Variants in RNF34 observed in about 807,000 individuals in gnomAD.
RNF34 encodes E3 ubiquitin-protein ligase RNF34.
Under a neutral mutation model 37.9 loss-of-function variants are expected in RNF34, and 12 were observed. The observed-to-expected ratio is 0.32, with a 90% CI of 0.20 to 0.51. The LOEUF is 0.51. RNF34 is among the 20% of genes least tolerant of loss of function. The pLI, the probability that RNF34 is intolerant of heterozygous loss-of-function variation, is 0.97. For synonymous variants in RNF34, 155 were observed against 177.2 expected (o/e 0.87, Z 1.00); for missense variants, 362 against 472.7 (o/e 0.77, Z 2.17).
At chr12:121,415,913 C>T (rs531521434) in intron 1 of RNF34, among the ~76,000 whole-genome samples, 1 of 108,354 alleles carries the variant, frequency 9.2e-6, no homozygotes. Context: ...GTTTTTTGTT[C>T]TGTAAAATTT....
chr12:121,402,727 T>G, intron 1 of RNF34: 1 of 1,561,220 alleles, frequency 6.4e-7, no homozygotes. Flanking sequence ...CTTTTCCTTT[T>G]TTTTTCTCTG....
At chr12:121,405,808 T>TC (rs1341583021) in intron 1 of RNF34, among the ~76,000 whole-genome samples, 4 of 148,094 alleles carry the variant, frequency 2.7e-5, no homozygotes, top group Non-Finnish European at 6.0e-5. Flanking sequence ...TTTTTTTTTT[T>TC]CTTGAGACGG....
At chr12:121,405,735 C>T (rs1870465105) in intron 1 of RNF34, among the ~76,000 whole-genome samples, 1 of 151,766 alleles carries the variant, frequency 6.6e-6, no homozygotes, top group Non-Finnish European at 1.5e-5. Context: ...CCTCCTGCCT[C>T]GGCCTCCCAA....
chr12:121,422,436 T>C (rs535514291), intron 5 of RNF34, among the ~76,000 whole-genome samples: 13 of 152,370 alleles, frequency 8.5e-5, no homozygotes, highest in African/African-American at 3.1e-4. Context: ...GATTTCATCT[T>C]GAGTTGCCTA....
rs182375659 is a variant in RNF34, at chr12:121,402,827, C to T, written c.6+2609C>T. The T allele has an allele frequency of 5.5e-4, 843 of 1,536,208 alleles. 1 individual carries two copies. Among genetic ancestry groups the T allele is most frequent in the Non-Finnish European group, 7.1e-4 (786 of 1,110,202 alleles). ...AGGAAGGTAACATTTGTATCTATAGCACATGTTATTGTAATAATCGATCAG... is the reference window on the plus strand; with the variant it reads ...AGGAAGGTAACATTTGTATCTATAGTACATGTTATTGTAATAATCGATCAG... On this transcript the variant is annotated intron_variant, in intron 1 of 5. Transcript: ENST00000361234.
chr12:121,400,165 G>A lies in RNF34; in HGVS notation c.-48G>A, dbSNP rs781862877. 1.6e-5 allele frequency: 25 copies of A among 1,602,112 alleles called. No homozygotes were observed. The Admixed American group carries it at 3.2e-4, about 21-fold the overall frequency. On this transcript the variant is annotated 5_prime_UTR_variant, in exon 1 of 6. An upstream start codon of the reference 5' UTR is lost. Coordinates refer to ENST00000361234, the MANE Select transcript of RNF34 (RefSeq NM_025126.4). The stretch of plus-strand genomic sequence containing the variant: ...GGTCGGCAGTGTGAGGAGCTGCTAT[G>A]GTGCTGAGTTTCCTGGTAGAGCCGG...
intron 1 of RNF34, among the ~76,000 whole-genome samples, chr12:121,410,114 A>G (rs932548969): frequency 1.3e-5 from 2 of 152,024 alleles, no homozygotes; most frequent in African/African-American, 2.4e-5. Context: ...AGATCGTGCC[A>G]TCGCACTCCA....
chr12:121,402,744 G>C, intron 1 of RNF34: 1 of 1,590,192 alleles, frequency 6.3e-7, no homozygotes, highest in East Asian at 2.2e-5. Context: ...TCTGAAAGGT[G>C]GGGGAGTGGT....
Position 121,417,420 on chromosome 12 carries a change from A to T in RNF34, c.226-84A>T. The T allele has an allele frequency of 4.1e-6, 5 of 1,223,116 alleles. No individual in the cohort carries two copies. The highest frequency in any genetic ancestry group is 1.5e-5 in the South Asian group (1 of 67,102). 75.8% of individuals were successfully genotyped at this position (1,223,116 alleles called of 1,614,324 possible). ...GGGGACTTCACTAAGAACTAAAATT[A>T]AATTTTAGTAGAAGGCAGAAAGAAA... On this transcript the variant is annotated intron_variant, in intron 2 of 5. Coordinates refer to ENST00000361234, the MANE Select transcript of RNF34 (RefSeq NM_025126.4). This position sits in a 1 kb window ranked among gnomAD's most constrained non-coding sequence, Gnocchi z 5.0.
Position 121,417,222 on chromosome 12 carries a change from T to A in RNF34, c.226-282T>A, listed in dbSNP as rs1871658886. Among the ~76,000 whole-genome samples the A allele has an allele frequency of 6.6e-6, 1 of 152,228 alleles. No homozygotes were observed. The highest frequency in any genetic ancestry group is 6.5e-5 in the Admixed American group (1 of 15,276). On this transcript the variant is annotated intron_variant, in intron 2 of 5. Coordinates refer to ENST00000361234, the MANE Select transcript of RNF34 (RefSeq NM_025126.4). This position sits in a 1 kb window ranked among gnomAD's most constrained non-coding sequence, Gnocchi z 5.0. The stretch of plus-strand genomic sequence containing the variant: ...TGTGGTTCAAGCTCTGTTTTGTTAA[T>A]TACATGTTTATACCAAGGGGTGGAA...
At chr12:121,413,891 G>A (rs1871332231) in intron 1 of RNF34, among the ~76,000 whole-genome samples, 1 of 152,046 alleles carries the variant, frequency 6.6e-6, no homozygotes, top group South Asian at 2.1e-4. Flanking sequence ...GACTTTTAAA[G>A]GCATCACTAT....
In RNF34 at chr12:121,420,734, A is replaced by G. The variant is rs113432721; in HGVS notation, c.884A>G (p.Lys295Arg). Residue 295 changes from lysine (K) to arginine (R), a missense_variant, in exon 5 of 6, where the codon AAA becomes AGA. By Grantham distance (26) the Lys-to-Arg change is conservative (BLOSUM62 2). Transcript: ENST00000361234. ...GCCEKWELVE[K>R]VNRLYKENEE... ...TGTGAAAAATGGGAACTGGTAGAGA[A>G]AGTAAACCGGTTATACAAAGAGAAT... 5.0e-6 allele frequency: 8 copies of G among 1,614,116 alleles called. No individual in the cohort carries two copies. Among genetic ancestry groups the G allele is most frequent in the African/African-American group, 2.7e-5 (2 of 75,048 alleles).
Position 121,420,795 on chromosome 12 carries a change from AT to A in RNF34, c.928+23del. 6.3e-7 allele frequency: 1 copy of A among 1,585,992 alleles called. No individual in the cohort carries two copies. Among genetic ancestry groups the A allele is most frequent in the Non-Finnish European group, 8.7e-7 (1 of 1,155,388 alleles). On this transcript the variant is annotated intron_variant, in intron 5 of 5. Coordinates refer to ENST00000361234, the MANE Select transcript of RNF34 (RefSeq NM_025126.4). ...AAAAGTCCTGTAGGTTTATCTTTTC[AT>A]TTTTTCCCTGTAGTATTTTTCCTTA...
In RNF34 at chr12:121,416,370, G is replaced by T. The variant is rs1555282201; in HGVS notation, c.218G>T (p.Arg73Ile). The change falls in exon 2 of 6, where the codon AGA becomes ATA. Residue 73 changes from arginine to isoleucine, a missense_variant. Transcript: ENST00000361234. ...KACGLSFSVF[R>I]KKHVCCDCKK... ...TGTGGGCTTTCATTTTCAGTCTTTA[G>T]AAAGAAGGTGAGTTGGATGAAATGT... The T allele has an allele frequency of 6.2e-7, 1 of 1,606,982 alleles. No individual in the cohort carries two copies. Among genetic ancestry groups the T allele is most frequent in the East Asian group, 2.2e-5 (1 of 44,856 alleles).
In RNF34 at chr12:121,412,545, A is replaced by T. The variant is rs560847736; in HGVS notation, c.7-3614A>T. On this transcript the variant is annotated intron_variant, in intron 1 of 5. Transcript: ENST00000361234. The stretch of plus-strand genomic sequence containing the variant: ...GGGGTGAGCCACCACGCCTGGCCTA[A>T]TTTTTGTGTTTTTAGTAGAGATGGG... 3.7e-4 allele frequency among the ~76,000 whole-genome samples: 56 copies of T among 151,182 alleles called. No individual in the cohort carries two copies. The South Asian group carries it at 9.6e-3, about 26-fold the overall frequency.
Position 121,417,450 on chromosome 12 carries a change from A to T in RNF34, c.226-54A>T, listed in dbSNP as rs1269401991. 19 of 1,479,982 alleles carry T rather than the reference A, an allele frequency of 1.3e-5. No homozygotes were observed. The Admixed American group carries it at 3.0e-4, about 24-fold the overall frequency. The allele number at this position is 1,479,982 out of a possible 1,614,324, so 91.7% of individuals were successfully genotyped here. A position where few individuals can be genotyped will look rare whatever the true frequency, so the allele number is the denominator to read the frequency against. ...TTAGTAGAAGGCAGAAAGAAAACTCATGCTTTCATAATGGTTTATATCTTG... is the reference window on the plus strand; with the variant it reads ...TTAGTAGAAGGCAGAAAGAAAACTCTTGCTTTCATAATGGTTTATATCTTG... On this transcript the variant is annotated intron_variant, in intron 2 of 5. Coordinates refer to ENST00000361234, the MANE Select transcript of RNF34 (RefSeq NM_025126.4). The surrounding 1 kb of genome is among the most constrained non-coding windows in gnomAD (Gnocchi z 5.0).
intron 3 of RNF34, 134 bp downstream of exon 3, chr12:121,418,045 G>A: frequency 1.1e-6 from 1 of 950,614 alleles, no homozygotes. Flanking sequence ...ACACCCAGCT[G>A]AACTCTGCAC....
intron 5 of RNF34, among the ~76,000 whole-genome samples, chr12:121,422,908 T>C (rs1872289714): frequency 7.0e-6 from 1 of 142,360 alleles, no homozygotes; most frequent in African/African-American, 3.0e-5. Context: ...TATTCCTAAC[T>C]TTCCTAAGGG....
intron 1 of RNF34, among the ~76,000 whole-genome samples, chr12:121,406,044 C>T (rs1007413905): frequency 2.0e-5 from 3 of 152,044 alleles, no homozygotes; most frequent in African/African-American, 7.2e-5. Flanking sequence ...CTGCCTGCCT[C>T]GGCCTCCCAA....
Sources: gnomAD v4.1 joint callset for allele counts (sites outside exome capture counted in the v4.1 genomes callset) on GRCh38, gnomAD v4.1.1 for gene constraint, Gnocchi (gnomAD v3.1) non-coding constraint, MANE v1.5 for transcripts, NCBI Gene and HGNC (gene_info 2026-07-23, HGNC 2026-07-21) for gene names.